The following SLIT1 variants were observed in gnomAD, a reference collection of about 807,000 sequenced individuals.
SLIT1 encodes slit homolog 1 protein.
SLIT1 carries 66 observed loss-of-function variants against 186.1 expected under a neutral mutation model. The ratio of observed to expected loss-of-function variants is 0.35; its 90% CI spans 0.29 to 0.44. The LOEUF is 0.44. Among genes scored for constraint, SLIT1 ranks in the 20% least tolerant of loss-of-function variants. The pLI is 1.00. For missense variants in SLIT1, 1,638 were observed against 2,037.4 expected, an observed-to-expected ratio of 0.80 and a Z score of 3.77; for synonymous variants, 761 against 833.8, an observed-to-expected ratio of 0.91 and a Z score of 1.50.
intron 25 of SLIT1, among the ~76,000 whole-genome samples, chr10:97,026,739 G>A (rs1848549723): frequency 6.6e-6 from 1 of 152,174 alleles, no homozygotes; most frequent in African/African-American, 2.4e-5. Context: ...ATGGCTGGCT[G>A]GCTGAATGGA....
intron 4 of SLIT1, among the ~76,000 whole-genome samples, chr10:97,089,395 C>T (rs769392732): frequency 2.0e-5 from 3 of 152,116 alleles, no homozygotes; most frequent in Non-Finnish European, 4.4e-5. Flanking sequence ...AGCTAAGGTG[C>T]AAATGAAAAG....
intron 4 of SLIT1, among the ~76,000 whole-genome samples, chr10:97,098,226 C>G (rs147138072): frequency 6.6e-6 from 1 of 152,170 alleles, no homozygotes; most frequent in African/African-American, 2.4e-5. Context: ...CGGGATGACC[C>G]GGGGGGCTAA....
At chr10:97,166,551 G>GA (rs1195577163) in intron 1 of SLIT1, among the ~76,000 whole-genome samples, 38 of 50,008 alleles carry the variant, frequency 7.6e-4, no homozygotes, top group Admixed American at 1.5e-3. Context: ...AGGAAGGAAG[G>GA]AAGGAAAGAG....
rs1848960054 is a variant in SLIT1 at position 97,067,589 on chromosome 10, T to C, written c.414-1503A>G. 2.0e-5 allele frequency among the ~76,000 whole-genome samples: 3 copies of C among 152,154 alleles called. No individual in the cohort carries two copies. The South Asian group carries it at 6.2e-4, about 31-fold the overall frequency. ...CAGAATTTGAACCCAGGCATTCAGG[T>C]CCCAGAGCCCTGGCTTGTGCGGCAG... On this transcript the variant is annotated intron_variant, in intron 4 of 36. Coordinates refer to ENST00000266058, the MANE Select transcript of SLIT1 (RefSeq NM_003061.3).
At chr10:97,141,839 T>A (rs771827365) in intron 4 of SLIT1, among the ~76,000 whole-genome samples, 1 of 152,040 alleles carries the variant, frequency 6.6e-6, no homozygotes, top group Non-Finnish European at 1.5e-5. Context: ...GTCATGCAGG[T>A]TGAAATGCAG....
At chr10:97,099,778 G>A (rs1849331960) in intron 4 of SLIT1, among the ~76,000 whole-genome samples, 1 of 152,182 alleles carries the variant, frequency 6.6e-6, no homozygotes, top group African/African-American at 2.4e-5. Context: ...GGAGGCCAGA[G>A]ACCCCGGGCA....
At chr10:97,033,943 C>A (rs1447801690) in intron 23 of SLIT1, among the ~76,000 whole-genome samples, 1 of 150,686 alleles carries the variant, frequency 6.6e-6, no homozygotes, top group Non-Finnish European at 1.5e-5. Flanking sequence ...TGGCTCACTG[C>A]AAGCTCCACC....
intron 2 of SLIT1, 40 bp from the exon 3 acceptor site, chr10:97,163,491 G>A: frequency 6.3e-7 from 1 of 1,577,728 alleles, no homozygotes; most frequent in Non-Finnish European, 8.7e-7. Flanking sequence ...CAGGGTGTGG[G>A]ACAAGGGCTG....
At position 97,022,037 on chromosome 10, in the gene SLIT1, G is replaced by A. The variant is rs1848506499; in HGVS notation, c.2583-624C>T. ...CCATGCTGTTGGGGCCAGAGCCTAC[G>A]AATGCACTGCCTCCAGTGTGCATGG... is the stretch of plus-strand genomic sequence containing the variant. On this transcript the variant is annotated intron_variant, in intron 25 of 36. Transcript: ENST00000266058. The surrounding 1 kb of genome is among the most constrained non-coding windows in gnomAD (Gnocchi z 4.2). Among the ~76,000 whole-genome samples the A allele has an allele frequency of 6.6e-6, 1 of 152,222 alleles. No individual in the cohort carries two copies. The highest frequency in any genetic ancestry group is 6.5e-5 in the Admixed American group (1 of 15,282).
Position 97,043,432 on chromosome 10 carries a change from G to A in SLIT1, c.1935C>T (p.Tyr645=), listed in dbSNP as rs371922403. 4.2e-5 allele frequency: 68 copies of A among 1,613,834 alleles called. No individual in the cohort carries two copies. Among genetic ancestry groups the A allele is most frequent in the South Asian group, 4.0e-4 (36 of 91,064 alleles). Reference sequence around the variant, plus strand: ...GGGATACGGTGGTGATCTGGTTGTCGTAGAGCGAGAGGAGCCGGACGTTGC... The same window carrying A: ...GGGATACGGTGGTGATCTGGTTGTCATAGAGCGAGAGGAGCCGGACGTTGC... ...GLRNVRLLSL[Y]DNQITTVSPG... is the part of the protein sequence containing the mutation. Residue 645 remains tyrosine (Y), a synonymous_variant, in exon 19 of 37, where the codon TAC becomes TAT. Transcript: ENST00000266058. This position sits in a 1 kb window ranked among gnomAD's most constrained non-coding sequence, Gnocchi z 7.0.
At position 97,147,437 on chromosome 10, in the gene SLIT1, A is replaced by G. The variant is rs116134236; in HGVS notation, c.413+10381T>C. Among the ~76,000 whole-genome samples, 425 of 152,314 alleles carry G rather than the reference A, an allele frequency of 2.8e-3. 3 individuals are homozygous for G. The highest frequency in any genetic ancestry group is 9.7e-3 in the African/African-American group (405 of 41,544). ...AAATGATAAATATTATGTATATTGT[A>G]CCATGATTTTAAAAAAGTGTTACAA... On this transcript the variant is annotated intron_variant, in intron 4 of 36. Transcript: ENST00000266058.
chr10:97,067,266 G>A (rs186597969), intron 4 of SLIT1, among the ~76,000 whole-genome samples: 1 of 152,312 alleles, frequency 6.6e-6, no homozygotes, highest in East Asian at 1.9e-4. Flanking sequence ...CTCAGTGACT[G>A]CCAGGCCAGC....
chr10:96,999,311 A>G lies in SLIT1; in HGVS notation c.*1801T>C, dbSNP rs1463672001. 6.6e-6 allele frequency: 1 copy of G among 152,278 alleles called. No individual in the cohort carries two copies. Among genetic ancestry groups the G allele is most frequent in the Non-Finnish European group, 1.5e-5 (1 of 68,106 alleles). The allele number at this position is 152,278 out of a possible 1,614,324, so 9.4% of individuals were successfully genotyped here. A position where few individuals can be genotyped will look rare whatever the true frequency, so the allele number is the denominator to read the frequency against. Reference sequence around the variant, plus strand: ...TTGGGCAGGGCACTGCCCTCTTCCCATCACAGGGACCCCAGGACTCACAGT... The same window carrying G: ...TTGGGCAGGGCACTGCCCTCTTCCCGTCACAGGGACCCCAGGACTCACAGT... On this transcript the variant is annotated 3_prime_UTR_variant, in exon 37 of 37. Coordinates refer to ENST00000266058, the MANE Select transcript of SLIT1 (RefSeq NM_003061.3).
At chr10:97,099,429 A>G (rs1434700588) in intron 4 of SLIT1, among the ~76,000 whole-genome samples, 2 of 149,514 alleles carry the variant, frequency 1.3e-5, no homozygotes, top group African/African-American at 4.9e-5. Flanking sequence ...TCAAAATTGC[A>G]CAAAGAGAAA....
chr10:97,124,579 C>T (rs1849588138), intron 4 of SLIT1, among the ~76,000 whole-genome samples: 1 of 152,190 alleles, frequency 6.6e-6, no homozygotes, highest in Non-Finnish European at 1.5e-5. Context: ...GGAGACAAGA[C>T]TTAGAAGCAC....
At chr10:97,101,921 C>T (rs1489096298) in intron 4 of SLIT1, 2 of 152,220 alleles carry the variant, frequency 1.3e-5, no homozygotes, top group Non-Finnish European at 2.9e-5. Flanking sequence ...TTGGAAAATA[C>T]TAATTGCTCC....
intron 20 of SLIT1, 108 bp downstream of exon 20, chr10:97,042,793 G>C (rs1848700923): frequency 4.1e-6 from 5 of 1,221,876 alleles, no homozygotes; most frequent in Non-Finnish European, 4.6e-6. Flanking sequence ...TCCTCTCAGG[G>C]GCATGCCAGG....
chr10:97,046,202 G>T (rs1361756472), intron 18 of SLIT1, among the ~76,000 whole-genome samples: 1 of 152,154 alleles, frequency 6.6e-6, no homozygotes, highest in East Asian at 1.9e-4. Flanking sequence ...TCCAGATTCT[G>T]GTCAGCTCAG....
chr10:97,021,335 T>G lies in SLIT1; in HGVS notation c.2661A>C (p.Glu887Asp). The G allele has an allele frequency of 6.2e-7, 1 of 1,614,152 alleles. No individual in the cohort carries two copies. Among genetic ancestry groups the G allele is most frequent in the Non-Finnish European group, 8.5e-7 (1 of 1,180,004 alleles). Residue 887 changes from glutamate (E) to aspartate (D), a missense_variant, in exon 26 of 37, where the codon GAA (glutamate) becomes GAC (aspartate). Physicochemically the swap from Glu to Asp is conservative, Grantham distance 45 (BLOSUM62 2). Transcript: ENST00000266058. The surrounding 1 kb of genome is among the most constrained non-coding windows in gnomAD (Gnocchi z 4.5). ...LSSWVKTGYKEPGIARCAGPQ... is the reference protein window; with the variant it reads ...LSSWVKTGYKDPGIARCAGPQ... ...GCCCAGCACAACGAGCAATGCCCGG[T>G]TCCTTGTAGCCAGTCTTCACCCAGC...
Sources: gnomAD v4.1 joint callset for allele counts (sites outside exome capture counted in the v4.1 genomes callset) on GRCh38, gnomAD v4.1.1 for gene constraint, Gnocchi (gnomAD v3.1) non-coding constraint, MANE v1.5 for transcripts, NCBI Gene and HGNC (gene_info 2026-07-23, HGNC 2026-07-21) for gene names.